Variants in SEC14L4 observed in about 807,000 individuals in gnomAD.
SEC14L4 encodes SEC14-like protein 4.
SEC14L4 carries 42 observed loss-of-function variants against 55.1 expected under a neutral mutation model. The ratio of observed to expected loss-of-function variants is 0.76; its 90% CI spans 0.60 to 0.99. The LOEUF (loss-of-function observed/expected upper bound fraction) is 0.99, where lower values mean the gene tolerates loss of function less well. Among genes scored for constraint, SEC14L4 ranks in the 50% least tolerant of loss-of-function variants. SEC14L4 has a pLI of 0.00. For missense variants in SEC14L4, 445 were observed against 512.1 expected (o/e 0.87, Z 1.27); for synonymous variants, 206 against 206.8 (o/e 1.00, Z 0.03).
At chr22:30,495,749 C>G (rs1400252678) in intron 3 of SEC14L4, 107 bp from the exon 4 acceptor site, 12 of 1,608,184 alleles carry the variant, frequency 7.5e-6, no homozygotes, top group African/African-American at 1.3e-5. Context: ...TACCCAGGCT[C>G]TCAGAGCGTG....
chr22:30,493,968 C>T (rs1013762020), intron 7 of SEC14L4, among the ~76,000 whole-genome samples, 182 bp downstream of exon 7: 2 of 152,168 alleles, frequency 1.3e-5, no homozygotes, highest in African/African-American at 4.8e-5. Context: ...CATGCCACTG[C>T]ACTCCGGCCT....
intron 5 of SEC14L4, 55 bp from the exon 6 acceptor site, chr22:30,495,016 G>C (rs1936092334): frequency 1.3e-6 from 2 of 1,497,160 alleles, no homozygotes; most frequent in Admixed American, 1.7e-5. Context: ...GGAGATCCTG[G>C]CCAGAGAGAC....
At chr22:30,505,507 C>G (rs1936460388) in intron 1 of SEC14L4, 51 bp downstream of exon 1, 1 of 1,530,500 alleles carries the variant, frequency 6.5e-7, no homozygotes, top group Admixed American at 2.0e-5. Context: ...TGGGCAGTGC[C>G]AGGCTGCTCA....
intron 2 of SEC14L4, among the ~76,000 whole-genome samples, chr22:30,501,860 T>TATATATATATAC (rs1936336660): frequency 7.0e-6 from 1 of 142,558 alleles, no homozygotes; most frequent in Admixed American, 7.1e-5. Context: ...TATATATATA[T>TATATATATATAC]ATATATATAT....
chr22:30,494,747 G>A (rs1263307632), intron 6 of SEC14L4, 119 bp downstream of exon 6: 2 of 683,846 alleles, frequency 2.9e-6, no homozygotes, highest in Non-Finnish European at 5.2e-6. Flanking sequence ...CTGGTCTGTG[G>A]AGCCCCTGCA....
rs1935897775 is a variant in SEC14L4 at position 30,490,002 on chromosome 22, G to C, written c.*105C>G. On this transcript the variant is annotated 3_prime_UTR_variant, in exon 12 of 12. Coordinates refer to ENST00000255858, the MANE Select transcript of SEC14L4 (RefSeq NM_174977.4). ...GAGATGAAATGGTGACGTGGGACAA[G>C]TGGCTCTCTGCAGCCACCTCCAGCA... 18 of 1,565,172 alleles carry C rather than the reference G, an allele frequency of 1.2e-5. No individual in the cohort carries two copies. Among genetic ancestry groups the C allele is most frequent in the Non-Finnish European group, 8.7e-7 (1 of 1,154,036 alleles).
At chr22:30,490,312 C>A in intron 11 of SEC14L4, 66 bp from the exon 12 acceptor site, 1 of 1,599,060 alleles carries the variant, frequency 6.3e-7, no homozygotes, top group South Asian at 1.1e-5. Context: ...GCCAGCCCTG[C>A]ATGGGTGCAT....
chr22:30,498,124 CTTTTTTTTTTTTT>C (rs869157636), intron 2 of SEC14L4, among the ~76,000 whole-genome samples: 1 of 98,364 alleles, frequency 1.0e-5, no homozygotes, highest in East Asian at 2.9e-4. Context: ...TTTTCATTAT[CTTTTTTTTTTTTT>C]TTTTTTTTTT....
chr22:30,496,751 GAAC>G (rs1265623632), intron 2 of SEC14L4, among the ~76,000 whole-genome samples: 2 of 152,126 alleles, frequency 1.3e-5, no homozygotes, highest in Admixed American at 1.3e-4. Flanking sequence ...GTTATTCAAA[GAAC>G]AACATGAGAT....
intron 2 of SEC14L4, among the ~76,000 whole-genome samples, chr22:30,499,059 G>C (rs1341006733): frequency 2.0e-5 from 3 of 151,962 alleles, no homozygotes; most frequent in Admixed American, 2.0e-4. Flanking sequence ...TCCTGCCTCA[G>C]CCTCCTGAGT....
rs1349862982 is a variant in SEC14L4 at position 30,492,552 on chromosome 22, T to C, written c.586A>G (p.Lys196Glu). ...LKNLIVIRAP[K>E]LFPVAFNLVK... ...AAGTTGAAGGCCACGGGGAACAGTT[T>C]TGGGGCTGAAACACATGTAAATCTC... The change falls in exon 8 of 12, where the codon AAA becomes GAA. Residue 196 changes from lysine (K) to glutamate (E), a missense_variant. Transcript: ENST00000255858. 6.2e-7 allele frequency: 1 copy of C among 1,612,696 alleles called. No homozygotes were observed. Among genetic ancestry groups the C allele is most frequent in the Non-Finnish European group, 8.5e-7 (1 of 1,178,756 alleles).
At chr22:30,492,643 G>A (rs868771655) in intron 7 of SEC14L4, 86 bp from the exon 8 acceptor site, 3 of 1,015,356 alleles carry the variant, frequency 3.0e-6, no homozygotes, top group South Asian at 1.3e-5. Context: ...TGCTGGACAG[G>A]AGGTGGACAG....
chr22:30,501,742 G>T (rs1936326786), intron 2 of SEC14L4, among the ~76,000 whole-genome samples: 2 of 150,776 alleles, frequency 1.3e-5, no homozygotes, highest in South Asian at 4.2e-4. Flanking sequence ...AGGAAAACTA[G>T]GTGCAGAGTA....
intron 1 of SEC14L4, among the ~76,000 whole-genome samples, chr22:30,504,090 C>T (rs1020393038): frequency 4.7e-5 from 7 of 149,474 alleles, no homozygotes; most frequent in African/African-American, 1.2e-4. Context: ...CAGGATCTCA[C>T]TCTATCGCCC....
At chr22:30,495,743 C>T in intron 3 of SEC14L4, 101 bp from the exon 4 acceptor site, 1 of 1,609,068 alleles carries the variant, frequency 6.2e-7, no homozygotes, top group Non-Finnish European at 8.5e-7. Flanking sequence ...ACAGCATACC[C>T]AGGCTCTCAG....
At position 30,489,686 on chromosome 22, in the gene SEC14L4, C is replaced by T; in HGVS notation, c.*421G>A. The T allele has an allele frequency of 1.5e-6, 1 of 649,192 alleles. No individual in the cohort carries two copies. Among genetic ancestry groups the T allele is most frequent in the Non-Finnish European group, 2.7e-6 (1 of 364,184 alleles). 40.2% of individuals were successfully genotyped at this position (649,192 alleles called of 1,614,324 possible). A position where few individuals can be genotyped will look rare whatever the true frequency, so the allele number is the denominator to read the frequency against. ...ACATGCAGAGAACAGGGCTTCTCTG[C>T]TCTTCAGGCCTGAAGCTGTGATGTC... On this transcript the variant is annotated 3_prime_UTR_variant, in exon 12 of 12. Transcript: ENST00000255858.
rs772579777 is a variant in SEC14L4, at chr22:30,492,526, C to T, written c.612G>A (p.Leu204=). 6 of 1,614,000 alleles carry T rather than the reference C, an allele frequency of 3.7e-6. No homozygotes were observed. The highest frequency in any genetic ancestry group is 4.2e-6 in the Non-Finnish European group (5 of 1,179,900). The stretch of plus-strand genomic sequence containing the variant: ...TCTCCTCACTCATGAACGACTTGAC[C>T]AAGTTGAAGGCCACGGGGAACAGTT... ...APKLFPVAFN[L]VKSFMSEETR... is the part of the protein sequence containing the mutation. Residue 204 remains leucine, a synonymous_variant, in exon 8 of 12, where the codon TTG becomes TTA. Transcript: ENST00000255858.
At chr22:30,493,980 G>A (rs8141671) in intron 7 of SEC14L4, among the ~76,000 whole-genome samples, 170 bp downstream of exon 7, 1 of 151,992 alleles carries the variant, frequency 6.6e-6, no homozygotes, top group Non-Finnish European at 1.5e-5. Flanking sequence ...CTCCGGCCTG[G>A]GTGACAGAGG....
Position 30,490,075 on chromosome 22 carries a change from T to A in SEC14L4, c.*32A>T, listed in dbSNP as rs1370742547. On this transcript the variant is annotated 3_prime_UTR_variant, in exon 12 of 12. Transcript: ENST00000255858. ...GGTCAGAGGGGTGGGTGTGAAGGGG[T>A]TGGAGTGCACAGGTAGAGGTGGCTG... 2 of 1,608,718 alleles carry A rather than the reference T, an allele frequency of 1.2e-6. No individual in the cohort carries two copies. The highest frequency in any genetic ancestry group is 2.7e-5 in the African/African-American group (2 of 74,718).
Sources: gnomAD v4.1 joint callset for allele counts (sites outside exome capture counted in the v4.1 genomes callset) on GRCh38, gnomAD v4.1.1 for gene constraint, MANE v1.5 for transcripts, NCBI Gene and HGNC (gene_info 2026-07-23, HGNC 2026-07-21) for gene names.